Variants in DPP10 observed in about 807,000 individuals in gnomAD.
The protein encoded by DPP10 is dipeptidyl peptidase like 10.
A neutral mutation model predicts 120.9 loss-of-function variants in DPP10; 33 were observed. That is an observed-to-expected ratio of 0.27 (90% CI 0.21 to 0.37). DPP10 has a LOEUF of 0.37. DPP10 is among the 10% of genes least tolerant of loss of function. DPP10 has a pLI of 1.00. For missense variants in DPP10, 816 were observed against 942.8 expected (o/e 0.87, Z 1.76); for synonymous variants, 337 against 326.1 (o/e 1.03, Z -0.36).
chr2:114,580,732 T>G (rs1690431665), intron 1 of DPP10, among the ~76,000 whole-genome samples: 1 of 151,944 alleles, frequency 6.6e-6, no homozygotes, highest in Admixed American at 6.6e-5. Flanking sequence ...TTTTTTTTTT[T>G]TTTTTCGGAG....
intron 1 of DPP10, among the ~76,000 whole-genome samples, chr2:115,138,256 C>A (rs762223687): frequency 1.3e-5 from 2 of 152,024 alleles, no homozygotes; most frequent in African/African-American, 4.8e-5. Context: ...TGGAAAATGG[C>A]ATCTGGTTAA....
At chr2:115,547,467 T>G (rs2079581187) in intron 5 of DPP10, among the ~76,000 whole-genome samples, 1 of 152,152 alleles carries the variant, frequency 6.6e-6, no homozygotes, top group Admixed American at 6.5e-5. Flanking sequence ...CCATATCAGA[T>G]ACACTTTTCT....
At chr2:114,880,999 A>G (rs142573831) in intron 1 of DPP10, among the ~76,000 whole-genome samples, 77 of 152,280 alleles carry the variant, frequency 5.1e-4, no homozygotes, top group South Asian at 4.6e-3. Context: ...TTCTGATGCC[A>G]GTGTGACTGC....
At chr2:114,801,107 CA>C (rs1684163247) in intron 1 of DPP10, among the ~76,000 whole-genome samples, 1 of 151,162 alleles carries the variant, frequency 6.6e-6, no homozygotes, top group South Asian at 2.1e-4. Flanking sequence ...ACTAAAAATA[CA>C]AAAAATTAGC....
chr2:115,706,951 C>G (rs998343551), intron 7 of DPP10, among the ~76,000 whole-genome samples: 2 of 151,978 alleles, frequency 1.3e-5, no homozygotes, highest in South Asian at 4.1e-4. Flanking sequence ...TCCGCTTGCT[C>G]TCCTCCTTAA....
intron 1 of DPP10, among the ~76,000 whole-genome samples, chr2:114,542,409 C>T (rs904005824): frequency 6.6e-6 from 1 of 152,122 alleles, no homozygotes; most frequent in African/African-American, 2.4e-5. Flanking sequence ...TACCAGTTCT[C>T]CCCACATGCT....
chr2:115,096,605 A>G (rs1422944136), intron 1 of DPP10, among the ~76,000 whole-genome samples: 2 of 152,180 alleles, frequency 1.3e-5, no homozygotes, highest in African/African-American at 4.8e-5. Flanking sequence ...ATAGGGTTTT[A>G]TCCCAATAAA....
intron 1 of DPP10, chr2:115,064,596 G>T (rs1706689837): frequency 8.2e-7 from 1 of 1,215,382 alleles, no homozygotes; most frequent in Non-Finnish European, 1.1e-6. Flanking sequence ...TTGGACATAG[G>T]TGGGCACTGA....
At chr2:114,783,878 C>A (rs898532835) in intron 1 of DPP10, among the ~76,000 whole-genome samples, 1 of 152,034 alleles carries the variant, frequency 6.6e-6, no homozygotes, top group Non-Finnish European at 1.5e-5. Context: ...CTACCTCTTG[C>A]TCTAGTCACT....
chr2:114,607,097 A>G (rs1392135770), intron 1 of DPP10, among the ~76,000 whole-genome samples: 1 of 152,196 alleles, frequency 6.6e-6, no homozygotes, highest in East Asian at 1.9e-4. Context: ...ATTAATTCTT[A>G]CAAAGTTTGT....
chr2:115,039,069 G>A (rs1704443956), intron 1 of DPP10, among the ~76,000 whole-genome samples: 1 of 152,158 alleles, frequency 6.6e-6, no homozygotes, highest in Non-Finnish European at 1.5e-5. Flanking sequence ...AGGGCACATG[G>A]ACAGAGAAGG....
chr2:115,179,511 C>A (rs1030235254), intron 1 of DPP10, among the ~76,000 whole-genome samples: 16 of 152,068 alleles, frequency 1.1e-4, no homozygotes, highest in African/African-American at 3.6e-4. Flanking sequence ...GCTTTATTCA[C>A]CTGTCTTAGT....
At chr2:115,035,369 A>G (rs1171609252) in intron 1 of DPP10, among the ~76,000 whole-genome samples, 2 of 152,224 alleles carry the variant, frequency 1.3e-5, no homozygotes, top group Non-Finnish European at 2.9e-5. Flanking sequence ...ACAAAATCTT[A>G]AATAATTGTT....
In DPP10 at chr2:115,759,759, C is replaced by T. The variant is rs570801845; in HGVS notation, c.1075-2813C>T. Among the ~76,000 whole-genome samples the T allele has an allele frequency of 1.8e-4, 27 of 151,958 alleles. No homozygotes were observed. The South Asian group carries it at 5.2e-3, about 29-fold the overall frequency. On this transcript the variant is annotated intron_variant, in intron 11 of 25. Transcript: ENST00000410059. Reference sequence around the variant, plus strand: ...GGCACGGTGGCTCATGCCTGTAATCCCAACACTTTGGGAGGCGGAGGCGGG... The same window carrying T: ...GGCACGGTGGCTCATGCCTGTAATCTCAACACTTTGGGAGGCGGAGGCGGG...
chr2:114,950,292 C>CTTTT lies in DPP10; in HGVS notation c.61-358929_61-358926dup, dbSNP rs35889704. Among the ~76,000 whole-genome samples the CTTTT allele has an allele frequency of 5.2e-4, 47 of 90,788 alleles. 1 individual carries two copies. The highest frequency in any genetic ancestry group is 6.0e-4 in the East Asian group (2 of 3,322). 59.6% of individuals were successfully genotyped at this position (90,788 alleles called of 152,430 possible). ...TAAAAAATAATGAGACCACACCTTGCTTTTTTTTTTTTTTTTTTTTTGAGA... is the reference window on the plus strand; with the variant it reads ...TAAAAAATAATGAGACCACACCTTGCTTTTTTTTTTTTTTTTTTTTTTTTTGAGA... On this transcript the variant is annotated intron_variant, in intron 1 of 25. Coordinates refer to ENST00000410059, the MANE Select transcript of DPP10 (RefSeq NM_020868.6).
chr2:115,201,084 C>T (rs1342305654), intron 1 of DPP10, among the ~76,000 whole-genome samples: 1 of 151,456 alleles, frequency 6.6e-6, no homozygotes, highest in Non-Finnish European at 1.5e-5. Context: ...CCAGGCATTA[C>T]AAAATCTGAA....
intron 1 of DPP10, among the ~76,000 whole-genome samples, chr2:115,236,119 A>G (rs1265724934): frequency 6.6e-6 from 1 of 152,212 alleles, no homozygotes. Flanking sequence ...CATTATGATA[A>G]TTGTAACCAT....
At chr2:115,017,493 C>A (rs1702734118) in intron 1 of DPP10, among the ~76,000 whole-genome samples, 1 of 152,098 alleles carries the variant, frequency 6.6e-6, no homozygotes. Context: ...CCCAGCCATT[C>A]CATTACTGGT....
intron 1 of DPP10, among the ~76,000 whole-genome samples, chr2:115,066,019 G>A (rs1706806702): frequency 6.6e-6 from 1 of 152,034 alleles, no homozygotes; most frequent in Non-Finnish European, 1.5e-5. Context: ...ATTAAAATGG[G>A]ACATTAATCA....
Sources: allele counts gnomAD v4.1 joint callset (sites outside exome capture counted in the v4.1 genomes callset), GRCh38; gene constraint gnomAD v4.1.1; transcripts MANE v1.5; gene names NCBI Gene and HGNC (gene_info 2026-07-23, HGNC 2026-07-21).